The following MDGA2 variants were observed in gnomAD, a reference collection of about 807,000 sequenced individuals.
MDGA2 encodes the protein MAM domain containing glycosylphosphatidylinositol anchor 2.
A neutral mutation model predicts 117.8 loss-of-function variants in MDGA2; 40 were observed. The ratio of observed to expected loss-of-function variants is 0.34; its 90% CI spans 0.26 to 0.44. MDGA2 has a LOEUF of 0.44. Ranked by LOEUF, MDGA2 falls within the 20% of genes least tolerant of loss-of-function variation. MDGA2 has a pLI of 1.00. For missense variants in MDGA2, 1,123 were observed against 1,250.6 expected (o/e 0.90, Z 1.54); for synonymous variants, 452 against 439.0 (o/e 1.03, Z -0.37).
chr14:47,383,745 C>T (rs1414655981), intron 1 of MDGA2, among the ~76,000 whole-genome samples: 1 of 151,622 alleles, frequency 6.6e-6, no homozygotes, highest in African/African-American at 2.4e-5. Context: ...GGCTGGTCTT[C>T]AACTCCTGAC....
At chr14:47,563,904 T>C (rs1895868591) in intron 1 of MDGA2, among the ~76,000 whole-genome samples, 1 of 152,166 alleles carries the variant, frequency 6.6e-6, no homozygotes, top group Non-Finnish European at 1.5e-5. Flanking sequence ...GTTCTTTCCC[T>C]TCCATGTTTA....
chr14:46,866,146 T>A (rs1172616353), intron 14 of MDGA2, among the ~76,000 whole-genome samples: 223 of 151,704 alleles, frequency 1.5e-3, no homozygotes, highest in African/African-American at 4.9e-3. Flanking sequence ...AAACTATACT[T>A]CAAGGCTACA....
chr14:47,565,285 GT>G (rs573930563), intron 1 of MDGA2, among the ~76,000 whole-genome samples: 57 of 152,226 alleles, frequency 3.7e-4, no homozygotes, highest in African/African-American at 1.3e-3. Flanking sequence ...TTGGATTGTT[GT>G]TGTTATTTTG....
At chr14:47,113,065 C>T (rs558676256) in intron 5 of MDGA2, among the ~76,000 whole-genome samples, 12 of 152,132 alleles carry the variant, frequency 7.9e-5, no homozygotes, top group African/African-American at 2.9e-4. Context: ...CTGTTCATGT[C>T]CTTTGCTAAC....
intron 1 of MDGA2, among the ~76,000 whole-genome samples, chr14:47,326,918 A>G (rs1890161044): frequency 6.6e-6 from 1 of 152,172 alleles, no homozygotes; most frequent in Non-Finnish European, 1.5e-5. Context: ...CGGGAATCAG[A>G]TAGCACACTC....
chr14:47,426,668 C>A (rs1344565566), intron 1 of MDGA2, among the ~76,000 whole-genome samples: 1 of 146,596 alleles, frequency 6.8e-6, no homozygotes, highest in Non-Finnish European at 1.5e-5. Context: ...AAATATATCA[C>A]ACATTATATA....
intron 3 of MDGA2, among the ~76,000 whole-genome samples, chr14:47,148,469 T>C (rs529426174): frequency 7.2e-5 from 11 of 152,200 alleles, no homozygotes; most frequent in Non-Finnish European, 1.3e-4. Flanking sequence ...AATTGCCCTC[T>C]CTAAAAGGCC....
intron 1 of MDGA2, among the ~76,000 whole-genome samples, chr14:47,374,923 T>C (rs1223704856): frequency 6.6e-6 from 1 of 152,024 alleles, no homozygotes; most frequent in Non-Finnish European, 1.5e-5. Context: ...CCTGACCTTA[T>C]CCCTACAACT....
chr14:47,149,519 T>C (rs952229278), intron 3 of MDGA2, among the ~76,000 whole-genome samples: 2 of 152,196 alleles, frequency 1.3e-5, no homozygotes, highest in Non-Finnish European at 2.9e-5. Context: ...TTCTTACTGC[T>C]TTAGTCAAGG....
intron 2 of MDGA2, among the ~76,000 whole-genome samples, chr14:47,227,705 C>T (rs1886556560): frequency 6.6e-6 from 1 of 151,812 alleles, no homozygotes; most frequent in Admixed American, 6.6e-5. Flanking sequence ...CAATATAATT[C>T]TGCTGAGAAT....
chr14:47,218,295 A>G, intron 2 of MDGA2, 100 bp from the exon 3 acceptor site: 3 of 972,834 alleles, frequency 3.1e-6, no homozygotes. Flanking sequence ...TAGAGCTGCT[A>G]CATTGCCTCT....
chr14:47,590,985 G>T (rs1185615352), intron 1 of MDGA2, among the ~76,000 whole-genome samples: 1 of 151,762 alleles, frequency 6.6e-6, no homozygotes. Context: ...ATGATGAATT[G>T]TTAGAAAAAA....
In MDGA2 at chr14:46,957,545, C is replaced by A. The variant is rs1477036326; in HGVS notation, c.1918G>T (p.Val640Leu). 6.2e-7 allele frequency: 1 copy of A among 1,614,142 alleles called. No individual in the cohort carries two copies. Among genetic ancestry groups the A allele is most frequent in the African/African-American group, 1.3e-5 (1 of 75,052 alleles). The change falls in exon 9 of 17, where the codon GTG becomes TTG. Residue 640 changes from valine (V) to leucine (L), a missense_variant. Physicochemically the swap from Val to Leu is conservative, Grantham distance 32 (BLOSUM62 1). Around this residue, in one of 2 missense-constraint regions of MDGA2, gnomAD observed 890 missense variants for 1,050.3 expected, o/e 0.85. Transcript: ENST00000399232. ...CCCAAGCGCCACTCATAGGTCAGCACCCGTATTGGATAGGCTCTCAGTACT... is the reference window on the plus strand; with the variant it reads ...CCCAAGCGCCACTCATAGGTCAGCAACCGTATTGGATAGGCTCTCAGTACT... ...CRVLRAYPIRVLTYEWRLGNK... is the reference protein window; with the variant it reads ...CRVLRAYPIRLLTYEWRLGNK...
chr14:46,964,263 G>A (rs60629584), intron 8 of MDGA2, among the ~76,000 whole-genome samples: 17,962 of 152,190 alleles, frequency 0.12, 2,020 homozygotes, highest in African/African-American at 0.27. Context: ...TTAGAGACCA[G>A]ATCAGCTATC....
intron 1 of MDGA2, among the ~76,000 whole-genome samples, chr14:47,487,030 G>A (rs1314791054): frequency 6.6e-6 from 1 of 152,162 alleles, no homozygotes; most frequent in Non-Finnish European, 1.5e-5. Context: ...TCAATTCACA[G>A]TATCAGAAAC....
chr14:47,040,862 C>T (rs1889040591), intron 7 of MDGA2, among the ~76,000 whole-genome samples: 1 of 152,138 alleles, frequency 6.6e-6, no homozygotes. Flanking sequence ...GGCACAGAGC[C>T]TTAATCTGTC....
At chr14:47,278,830 G>T (rs1888385528) in intron 2 of MDGA2, among the ~76,000 whole-genome samples, 1 of 151,990 alleles carries the variant, frequency 6.6e-6, no homozygotes, top group Non-Finnish European at 1.5e-5. Context: ...GTTCTTTCAG[G>T]ATTATTCCAT....
At position 46,857,119 on chromosome 14, in the gene MDGA2, G is replaced by A. The variant is rs1881299525; in HGVS notation, c.2753-1965C>T. 2.6e-5 allele frequency among the ~76,000 whole-genome samples: 4 copies of A among 151,782 alleles called. No individual in the cohort carries two copies. The South Asian group carries it at 6.2e-4, about 24-fold the overall frequency. On this transcript the variant is annotated intron_variant, in intron 14 of 16. Coordinates refer to ENST00000399232, the MANE Select transcript of MDGA2 (RefSeq NM_001113498.3). ...TTTACATTGTAAACCTTACCTTCCG[G>A]TACTATTTTTTAAGAGCCAGATATG...
chr14:47,215,568 AG>A (rs980308591), intron 3 of MDGA2, among the ~76,000 whole-genome samples: 1 of 152,130 alleles, frequency 6.6e-6, no homozygotes, highest in Non-Finnish European at 1.5e-5. Context: ...TATCACTCAA[AG>A]GATGTTTGAA....
Sources: allele counts gnomAD v4.1 joint callset (sites outside exome capture counted in the v4.1 genomes callset), GRCh38; gene constraint gnomAD v4.1.1; regional missense constraint gnomAD v4.1.1; transcripts MANE v1.5; gene names NCBI Gene and HGNC (gene_info 2026-07-23, HGNC 2026-07-21).